The following FOXK2 variants were observed in gnomAD, a reference collection of about 807,000 sequenced individuals.
FOXK2 encodes the protein forkhead box protein K2.
In FOXK2, 24 loss-of-function variants were observed where a neutral mutation model predicts 53.3. That is an observed-to-expected ratio of 0.45 (90% CI 0.33 to 0.63). The LOEUF is 0.63. Among genes scored for constraint, FOXK2 ranks in the 30% least tolerant of loss-of-function variants. FOXK2 has a pLI of 0.03. For synonymous variants in FOXK2, 505 were observed against 407.1 expected, an observed-to-expected ratio of 1.24 and a Z score of -2.89; for missense variants, 952 against 910.5, an observed-to-expected ratio of 1.05 and a Z score of -0.59.
intron 1 of FOXK2, among the ~76,000 whole-genome samples, chr17:82,558,165 T>G (rs2044752257): frequency 6.6e-6 from 1 of 152,008 alleles, no homozygotes; most frequent in African/African-American, 2.4e-5. Context: ...AGACCTTGTC[T>G]CTACAAAAAA....
chr17:82,536,435 C>T (rs138414389), intron 1 of FOXK2, among the ~76,000 whole-genome samples: 49 of 152,208 alleles, frequency 3.2e-4, no homozygotes, highest in Non-Finnish European at 6.5e-4. Flanking sequence ...TTTTGCTTGC[C>T]AAAGGATATA....
At position 82,587,397 on chromosome 17, in the gene FOXK2, G is replaced by A. The variant is rs550828302; in HGVS notation, c.1786+125G>A. 2.1e-3 allele frequency: 1,580 copies of A among 754,456 alleles called. 5 individuals carry two copies. Among genetic ancestry groups the A allele is most frequent in the Non-Finnish European group, 2.5e-3 (1,140 of 447,938 alleles). The allele number at this position is 754,456 out of a possible 1,614,324, so 46.7% of individuals were successfully genotyped here. A position where few individuals can be genotyped will look rare whatever the true frequency, so the allele number is the denominator to read the frequency against. On this transcript the variant is annotated intron_variant, in intron 8 of 8. Coordinates refer to ENST00000335255, the MANE Select transcript of FOXK2 (RefSeq NM_004514.4). Reference sequence around the variant, plus strand: ...TTGTCTGAGGCAATGTTTGCATTTCGAAGCTGCAGGAAATCTAGTCATGCT... The same window carrying A: ...TTGTCTGAGGCAATGTTTGCATTTCAAAGCTGCAGGAAATCTAGTCATGCT...
intron 8 of FOXK2, among the ~76,000 whole-genome samples, chr17:82,597,552 G>A (rs1370252522): frequency 6.6e-6 from 1 of 152,244 alleles, no homozygotes; most frequent in Non-Finnish European, 1.5e-5. Context: ...GCTGTTACAG[G>A]GCTCCATGTG....
intron 1 of FOXK2, among the ~76,000 whole-genome samples, chr17:82,538,717 C>T (rs552130540): frequency 1.3e-5 from 2 of 152,228 alleles, no homozygotes; most frequent in African/African-American, 4.8e-5. Flanking sequence ...TGCATCTTTC[C>T]AGCCGGGCCC....
Position 82,554,700 on chromosome 17 carries a change from T to C in FOXK2, c.420-8654T>C, listed in dbSNP as rs80030746. On this transcript the variant is annotated intron_variant, in intron 1 of 8. Transcript: ENST00000335255. ...GGCTTGTAAACAGATTCCTAGTCTATACTGAGCTTCATTACAAATCTTGCA... is the reference window on the plus strand; with the variant it reads ...GGCTTGTAAACAGATTCCTAGTCTACACTGAGCTTCATTACAAATCTTGCA... 8.5e-3 allele frequency among the ~76,000 whole-genome samples: 1,291 copies of C among 152,186 alleles called. 13 individuals are homozygous for C. Among genetic ancestry groups the C allele is most frequent in the South Asian group, 0.026 (124 of 4,812 alleles).
chr17:82,569,296 CAG>C (rs773543667), intron 3 of FOXK2, among the ~76,000 whole-genome samples: 4 of 152,244 alleles, frequency 2.6e-5, no homozygotes, highest in Non-Finnish European at 5.9e-5. Context: ...GCGTCTAACA[CAG>C]GGTGCTAGGC....
chr17:82,537,950 A>G (rs926604434), intron 1 of FOXK2, among the ~76,000 whole-genome samples: 7 of 150,304 alleles, frequency 4.7e-5, no homozygotes, highest in African/African-American at 1.5e-4. Flanking sequence ...GTGGCCAGGC[A>G]CAGTGGCTCT....
At chr17:82,567,731 C>T (rs956597402) in intron 2 of FOXK2, among the ~76,000 whole-genome samples, 2 of 152,080 alleles carry the variant, frequency 1.3e-5, no homozygotes, top group Admixed American at 1.3e-4. Context: ...AGTTCTGGAA[C>T]CATTCGGAGC....
intron 1 of FOXK2, among the ~76,000 whole-genome samples, chr17:82,553,338 G>A (rs893425809): frequency 3.9e-5 from 6 of 152,270 alleles, no homozygotes; most frequent in Admixed American, 6.5e-5. Context: ...TCAGGAGTCT[G>A]GGGGAAGCAG....
chr17:82,544,495 C>A (rs966351206), intron 1 of FOXK2, among the ~76,000 whole-genome samples: 4 of 152,172 alleles, frequency 2.6e-5, no homozygotes, highest in Non-Finnish European at 4.4e-5. Flanking sequence ...CTGGATTTTA[C>A]AACAGTAGCA....
intron 1 of FOXK2, among the ~76,000 whole-genome samples, chr17:82,521,542 T>G (rs1445121360): frequency 6.6e-6 from 1 of 151,962 alleles, no homozygotes. Flanking sequence ...TCTTCTTGAC[T>G]TGCGTGTTGT....
At chr17:82,586,450 CGGGGGGGGAA>C (rs2045163012) in intron 7 of FOXK2, among the ~76,000 whole-genome samples, 3 of 1,618 alleles carry the variant, frequency 1.9e-3, no homozygotes, top group Admixed American at 5.3e-3. Flanking sequence ...AAAGGTGGGC[CGGGGGGGGAA>C]AGGAGGAGAG....
intron 8 of FOXK2, chr17:82,600,246 T>C (rs1038353607): frequency 1.3e-5 from 2 of 152,212 alleles, no homozygotes; most frequent in African/African-American, 4.8e-5. Flanking sequence ...TGGCACCTGG[T>C]AGGTGAGGGT....
At chr17:82,571,599 T>G in intron 3 of FOXK2, 125 bp from the exon 4 acceptor site, 1 of 1,043,024 alleles carries the variant, frequency 9.6e-7, no homozygotes, top group Non-Finnish European at 1.3e-6. Flanking sequence ...AGACTCTGTC[T>G]CAAAAAAAAG....
chr17:82,525,377 A>C (rs1453021482), intron 1 of FOXK2, among the ~76,000 whole-genome samples: 1 of 151,994 alleles, frequency 6.6e-6, no homozygotes, highest in Non-Finnish European at 1.5e-5. Flanking sequence ...ACGGGGTTTC[A>C]CCATGTTGGT....
intron 8 of FOXK2, among the ~76,000 whole-genome samples, chr17:82,593,074 G>GGGTACGCAGC (rs2045269483): frequency 6.7e-6 from 1 of 149,214 alleles, no homozygotes; most frequent in Non-Finnish European, 1.5e-5. Flanking sequence ...TATTCTGAAA[G>GGGTACGCAGC]ACCCAGTGAA....
intron 3 of FOXK2, among the ~76,000 whole-genome samples, chr17:82,570,221 C>T (rs1334102036): frequency 7.5e-6 from 1 of 133,266 alleles, no homozygotes; most frequent in African/African-American, 2.8e-5. Flanking sequence ...GACTCTGTCT[C>T]AAAAAAAAAA....
intron 8 of FOXK2, among the ~76,000 whole-genome samples, chr17:82,597,838 C>T (rs866992893): frequency 5.3e-5 from 8 of 152,182 alleles, no homozygotes; most frequent in Middle Eastern, 3.4e-3. Flanking sequence ...TTAGTAGAGA[C>T]GGGGTTGCAC....
At chr17:82,561,003 AG>A (rs1438728549) in intron 1 of FOXK2, among the ~76,000 whole-genome samples, 4 of 152,118 alleles carry the variant, frequency 2.6e-5, no homozygotes, top group African/African-American at 9.6e-5. Context: ...CTCCCTCCCC[AG>A]CCTCCCAAAG....
Sources: gnomAD v4.1 joint callset for allele counts (sites outside exome capture counted in the v4.1 genomes callset) on GRCh38, gnomAD v4.1.1 for gene constraint, MANE v1.5 for transcripts, NCBI Gene and HGNC (gene_info 2026-07-23, HGNC 2026-07-21) for gene names.